The following ZBTB17 variants were observed in gnomAD, a reference collection of about 807,000 sequenced individuals.
ZBTB17 encodes the protein zinc finger and BTB domain-containing protein 17.
Under a neutral mutation model 85.1 loss-of-function variants are expected in ZBTB17, and 24 were observed. The ratio of observed to expected loss-of-function variants is 0.28; its 90% CI spans 0.20 to 0.40. The LOEUF is 0.40. ZBTB17 is among the 10% of genes least tolerant of loss of function. The probability of loss-of-function intolerance (pLI) is 1.00; values close to 1 mark genes in which losing one functional copy is unlikely to be tolerated. For missense variants in ZBTB17, 743 were observed against 1,105.1 expected (o/e 0.67, Z 4.65); for synonymous variants, 464 against 460.2 (o/e 1.01, Z -0.11).
At chr1:15,943,235 A>G (rs1557770240) in intron 12 of ZBTB17, 41 bp from the exon 13 acceptor site, 3 of 1,613,682 alleles carry the variant, frequency 1.9e-6, no homozygotes, top group Admixed American at 1.7e-5. Context: ...AACTGCCCCA[A>G]CCTGGGCCTC....
intron 4 of ZBTB17, among the ~76,000 whole-genome samples, chr1:15,946,717 C>T (rs540090401): frequency 1.1e-4 from 17 of 152,342 alleles, no homozygotes; most frequent in Middle Eastern, 3.4e-3. Context: ...GGAGCCTGCC[C>T]GTGTGCAAAG....
At chr1:15,965,456 C>G (rs2072409292) in intron 2 of ZBTB17, among the ~76,000 whole-genome samples, 1 of 152,104 alleles carries the variant, frequency 6.6e-6, no homozygotes. Context: ...TCTGAAAATA[C>G]CATTGTTGAG....
At chr1:15,946,727 G>A (rs1198768582) in intron 4 of ZBTB17, among the ~76,000 whole-genome samples, 3 of 152,234 alleles carry the variant, frequency 2.0e-5, no homozygotes, top group Non-Finnish European at 4.4e-5. Flanking sequence ...CGTGTGCAAA[G>A]GCACTGAACC....
chr1:15,971,935 G>A (rs1378205737), intron 2 of ZBTB17, among the ~76,000 whole-genome samples: 5 of 149,986 alleles, frequency 3.3e-5, no homozygotes, highest in African/African-American at 1.2e-4. Flanking sequence ...GGAACTGACT[G>A]TCAGGACACA....
Position 15,964,124 on chromosome 1 carries a change from G to GAA in ZBTB17, c.-3+8913_-3+8914dup, listed in dbSNP as rs34511728. On this transcript the variant is annotated intron_variant, in intron 2 of 15. Transcript: ENST00000375743. This position sits in a 1 kb window ranked among gnomAD's most constrained non-coding sequence, Gnocchi z 4.3. ...AACAGCGAGACCCTGTCTCTAGAGA[G>GAA]AAAAAAAAAAAAAGGTTTAAAAAGA... is the stretch of plus-strand genomic sequence containing the variant. Among the ~76,000 whole-genome samples, 47,588 of 133,536 alleles carry GAA rather than the reference G, an allele frequency of 0.36. 8,264 individuals carry two copies. Among genetic ancestry groups the GAA allele is most frequent in the South Asian group, 0.48 (2,051 of 4,254 alleles). The allele number at this position is 133,536 out of a possible 152,430, so 87.6% of individuals were successfully genotyped here. A position where few individuals can be genotyped will look rare whatever the true frequency, so the allele number is the denominator to read the frequency against.
intron 1 of ZBTB17, among the ~76,000 whole-genome samples, chr1:15,974,164 C>T (rs1380587105): frequency 1.3e-5 from 2 of 149,068 alleles, no homozygotes; most frequent in Non-Finnish European, 3.0e-5. Context: ...GCACTCCAGC[C>T]TGGGTGACAG....
rs1202178411 is a variant in ZBTB17, at chr1:15,953,934, CA to C, written c.-2-5438del. On this transcript the variant is annotated intron_variant, in intron 2 of 15. Transcript: ENST00000375743. The surrounding 1 kb of genome is among the most constrained non-coding windows in gnomAD (Gnocchi z 5.1). ...AGATGATAGTTTCATTTTTTTAGGC[CA>C]AAGTCTTTATCAGATGGTTTCTATA... 1.3e-5 allele frequency among the ~76,000 whole-genome samples: 2 copies of C among 152,134 alleles called. No homozygotes were observed. Among genetic ancestry groups the C allele is most frequent in the East Asian group, 3.8e-4 (2 of 5,198 alleles).
At chr1:15,948,797 C>T (rs188274507) in intron 2 of ZBTB17, among the ~76,000 whole-genome samples, 12 of 151,778 alleles carry the variant, frequency 7.9e-5, no homozygotes, top group Admixed American at 1.3e-4. Context: ...CATGAAAAAG[C>T]CAAAAAAGGG....
rs1176380349 is a variant in ZBTB17 at position 15,973,248 on chromosome 1, G to A, written c.-89-123C>T. 2.0e-5 allele frequency: 3 copies of A among 152,210 alleles called. No individual in the cohort carries two copies. The highest frequency in any genetic ancestry group is 7.2e-5 in the African/African-American group (3 of 41,448). The allele number at this position is 152,210 out of a possible 1,614,324, so 9.4% of individuals were successfully genotyped here. On this transcript the variant is annotated intron_variant, in intron 1 of 15. Coordinates refer to ENST00000375743, the MANE Select transcript of ZBTB17 (RefSeq NM_003443.3). The surrounding 1 kb of genome is among the most constrained non-coding windows in gnomAD (Gnocchi z 4.1). The stretch of plus-strand genomic sequence containing the variant: ...ATACAGAGTGCTTAGCACAGAGCCT[G>A]GCCCAAGGAAGTGCTGAATAAATGG...
rs2071386163 is a variant in ZBTB17 at position 15,942,154 on chromosome 1, C to T, written c.2227G>A (p.Ala743Thr). Residue 743 changes from alanine (A) to threonine (T), a missense_variant, in exon 16 of 16, where the codon GCA becomes ACA. Ala to Thr is a moderately conservative substitution (Grantham distance 58). Around this residue, in one of 4 missense-constraint regions of ZBTB17, gnomAD observed 321 missense variants for 615.7 expected, o/e 0.52. Coordinates refer to ENST00000375743, the MANE Select transcript of ZBTB17 (RefSeq NM_003443.3). The part of the protein sequence containing the change: ...AQHVRIHTAQ[A>T]LVMFQTDADF... Reference sequence around the variant, plus strand: ...GCGTCTGTCTGGAACATGACCAGTGCCTGGGCTGTGTGGATTCGCACATGC... The same window carrying T: ...GCGTCTGTCTGGAACATGACCAGTGTCTGGGCTGTGTGGATTCGCACATGC... The T allele has an allele frequency of 1.9e-6, 3 of 1,613,672 alleles. No individual in the cohort carries two copies. The highest frequency in any genetic ancestry group is 2.5e-6 in the Non-Finnish European group (3 of 1,180,042).
chr1:15,950,102 G>A (rs1442515818), intron 2 of ZBTB17, among the ~76,000 whole-genome samples: 1 of 152,246 alleles, frequency 6.6e-6, no homozygotes. Flanking sequence ...GCCAGGGCCA[G>A]CCCCGAAATC....
intron 2 of ZBTB17, chr1:15,969,558 G>A (rs969225213): frequency 3.6e-5 from 13 of 363,462 alleles, no homozygotes; most frequent in South Asian, 1.0e-4. Context: ...CCCAGAGGCC[G>A]CTCATGGGGT....
chr1:15,943,527 C>G lies in ZBTB17; in HGVS notation c.1577-8G>C. 6.2e-7 allele frequency: 1 copy of G among 1,609,782 alleles called. No homozygotes were observed. The highest frequency in any genetic ancestry group is 1.7e-4 in the Middle Eastern group (1 of 6,040). On this transcript the variant is annotated splice_region_variant and splice_polypyrimidine_tract_variant and intron_variant, in intron 11 of 15. Transcript: ENST00000375743. Reference sequence around the variant, plus strand: ...ACTGGCATGGCTTCTCACCTGGGGACCGGGCAGAAGGTGTTGGTGCCTGCT... The same window carrying G: ...ACTGGCATGGCTTCTCACCTGGGGAGCGGGCAGAAGGTGTTGGTGCCTGCT...
At chr1:15,944,206 G>T in intron 9 of ZBTB17, 94 bp downstream of exon 9, 1 of 1,495,846 alleles carries the variant, frequency 6.7e-7, no homozygotes, top group South Asian at 1.2e-5. Flanking sequence ...CTGGAGGCCG[G>T]GGCTGTGCTC....
At chr1:15,959,366 T>C (rs974178616) in intron 2 of ZBTB17, among the ~76,000 whole-genome samples, 32 of 152,068 alleles carry the variant, frequency 2.1e-4, no homozygotes, top group Admixed American at 1.9e-3. Flanking sequence ...GCAGGGGAAG[T>C]GGGGAAGGAG....
chr1:15,971,522 ACACACACAC>A (rs1208019186), intron 2 of ZBTB17, among the ~76,000 whole-genome samples: 1 of 134,968 alleles, frequency 7.4e-6, no homozygotes, highest in Non-Finnish European at 1.5e-5. Context: ...CTATATATAT[ACACACACAC>A]TATATATATA....
At chr1:15,957,139 A>T (rs1285689833) in intron 2 of ZBTB17, among the ~76,000 whole-genome samples, 2 of 151,132 alleles carry the variant, frequency 1.3e-5, no homozygotes, top group Non-Finnish European at 2.9e-5. Flanking sequence ...AGATCGTGCC[A>T]CTGCACTCCA....
intron 9 of ZBTB17, 169 bp from the exon 10 acceptor site, chr1:15,944,064 G>A (rs2071477439): frequency 1.0e-6 from 1 of 962,874 alleles, no homozygotes; most frequent in African/African-American, 1.6e-5. Context: ...TGAGAGGTAA[G>A]CCGCCCCACC....
At chr1:15,944,053 G>C (rs1376275436) in intron 9 of ZBTB17, 158 bp from the exon 10 acceptor site, 7 of 972,776 alleles carry the variant, frequency 7.2e-6, no homozygotes, top group Non-Finnish European at 1.1e-5. Flanking sequence ...GGTCCCAGCG[G>C]TGAGAGGTAA....
Sources: gnomAD v4.1 joint callset for allele counts (sites outside exome capture counted in the v4.1 genomes callset) on GRCh38, gnomAD v4.1.1 for gene constraint, gnomAD v4.1.1 regional missense constraint, Gnocchi (gnomAD v3.1) non-coding constraint, MANE v1.5 for transcripts, NCBI Gene and HGNC (gene_info 2026-07-23, HGNC 2026-07-21) for gene names.